Variants in TTC3 observed in about 807,000 individuals in gnomAD.
TTC3 encodes E3 ubiquitin-protein ligase TTC3.
A neutral mutation model predicts 249.6 loss-of-function variants in TTC3; 180 were observed. The observed-to-expected ratio is 0.72, with a 90% confidence interval of 0.64 to 0.82. The LOEUF (loss-of-function observed/expected upper bound fraction) is 0.82. Ranked by LOEUF, TTC3 falls within the 40% of genes least tolerant of loss-of-function variation. The pLI, the probability that TTC3 is intolerant of heterozygous loss-of-function variation, is 0.00. For synonymous variants in TTC3, 717 were observed against 805.0 expected, an observed-to-expected ratio of 0.89 and a Z score of 1.85; for missense variants, 2,061 against 2,398.4, an observed-to-expected ratio of 0.86 and a Z score of 2.94.
exon 42 of TTC3, chr21:37,195,862 C>T (rs1431701240): frequency 2.5e-6 from 4 of 1,614,250 alleles, no homozygotes; most frequent in Non-Finnish European, 3.4e-6. Flanking sequence ...CCTGAAGCCA[C>T]TCAGCTGACA....
At chr21:37,168,161 C>A (rs905731676) in intron 34 of TTC3, among the ~76,000 whole-genome samples, 4 of 152,076 alleles carry the variant, frequency 2.6e-5, no homozygotes, top group African/African-American at 7.2e-5. Flanking sequence ...ACTGTCTTGA[C>A]CAAAACTAGT....
At chr21:37,167,968 A>G (rs1462560621) in intron 34 of TTC3, among the ~76,000 whole-genome samples, 1 of 152,026 alleles carries the variant, frequency 6.6e-6, no homozygotes. Flanking sequence ...TAATGAGCAT[A>G]TAATAATTTA....
chr21:37,150,410 A>G (rs2257163), intron 24 of TTC3, among the ~76,000 whole-genome samples: 12,186 of 152,044 alleles, frequency 0.08, 1,294 homozygotes, highest in African/African-American at 0.23. Context: ...TAGTTTTACT[A>G]TTTTTACTGT....
chr21:37,087,280 A>G (rs1292502321), exon 2 of TTC3: 1 of 1,613,836 alleles, frequency 6.2e-7, no homozygotes, highest in African/African-American at 1.3e-5. Flanking sequence ...GCTGAGGGAG[A>G]TTTCACTGTG....
At chr21:37,195,650 C>G in intron 41 of TTC3, 25 bp from the exon 42 acceptor site, 1 of 1,569,548 alleles carries the variant, frequency 6.4e-7, no homozygotes, top group Non-Finnish European at 8.6e-7. Flanking sequence ...CCTAAGTGAT[C>G]CATGGTGTGG....
chr21:37,088,128 C>A, intron 3 of TTC3, 68 bp from the exon 4 acceptor site: 1 of 1,382,122 alleles, frequency 7.2e-7, no homozygotes, highest in Non-Finnish European at 9.6e-7. Context: ...TGCCTTTTTA[C>A]TATTAAGTGT....
intron 11 of TTC3, among the ~76,000 whole-genome samples, chr21:37,111,127 T>A (rs2075619010): frequency 6.6e-6 from 1 of 152,128 alleles, no homozygotes; most frequent in South Asian, 2.1e-4. Context: ...CCATCAAGGC[T>A]AGGAAGAAAC....
At chr21:37,110,546 A>G (rs1235869587) in intron 11 of TTC3, among the ~76,000 whole-genome samples, 9 of 152,236 alleles carry the variant, frequency 5.9e-5, no homozygotes, top group Admixed American at 5.9e-4. Flanking sequence ...TCCAAGAAAT[A>G]TGGGACTGTG....
At chr21:37,195,585 T>C (rs2084795258) in intron 41 of TTC3, 90 bp from the exon 42 acceptor site, 3 of 1,502,470 alleles carry the variant, frequency 2.0e-6, no homozygotes, top group Non-Finnish European at 2.7e-6. Context: ...TGCGCTGCGT[T>C]ACTGTATTTA....
chr21:37,079,737 T>A (rs1301662732), intron 1 of TTC3, among the ~76,000 whole-genome samples: 1 of 151,954 alleles, frequency 6.6e-6, no homozygotes, highest in Non-Finnish European at 1.5e-5. Context: ...TTTCACCATG[T>A]TGGCCAGGCT....
intron 11 of TTC3, among the ~76,000 whole-genome samples, chr21:37,112,540 C>T (rs2147820119): frequency 6.6e-6 from 1 of 152,268 alleles, no homozygotes; most frequent in East Asian, 1.9e-4. Context: ...GAAGTTGAGC[C>T]AATAATTAAT....
intron 11 of TTC3, among the ~76,000 whole-genome samples, chr21:37,119,577 C>T (rs548966916): frequency 2.4e-4 from 37 of 152,254 alleles, no homozygotes; most frequent in Admixed American, 1.3e-3. Context: ...TCTGTACTCC[C>T]GCTTCTGTCT....
In TTC3 at chr21:37,094,042, C is replaced by A. The variant is rs146947761; in HGVS notation, c.639C>A (p.Cys213Ter). Reference sequence around the variant, plus strand: ...TAACTAAAATTGTAATGGAAGACTGCAATTTGCTTGAAGAACTTAAAACTC... The same window carrying A: ...TAACTAAAATTGTAATGGAAGACTGAAATTTGCTTGAAGAACTTAAAACTC... The change falls in exon 8 of 46, where the codon TGC becomes TGA. Residue 213 changes from cysteine (C) to a stop codon, truncating the protein, a stop_gained. Transcript: ENST00000355666. LOFTEE classifies it high-confidence loss of function. 3 of 1,608,270 alleles carry A rather than the reference C, an allele frequency of 1.9e-6. No homozygotes were observed. The African/African-American group carries it at 4.0e-5, about 22-fold the overall frequency.
chr21:37,150,752 C>T, intron 24 of TTC3, 68 bp from the exon 25 acceptor site: 1 of 995,056 alleles, frequency 1.0e-6, no homozygotes, highest in East Asian at 2.4e-5. Context: ...ATACTTGTTA[C>T]TTGTGGTTTT....
chr21:37,156,909 A>G lies in TTC3; in HGVS notation c.2992+3A>G. On this transcript the variant is annotated splice_donor_region_variant and intron_variant, in intron 28 of 45. Transcript: ENST00000355666. ...AGATGAATTCTTTGATATAATGGGT[A>G]TGTGGACTGAGTTTAGACTTATATT... The G allele has an allele frequency of 1.2e-6, 2 of 1,612,842 alleles. No individual in the cohort carries two copies. The highest frequency in any genetic ancestry group is 2.2e-5 in the South Asian group (2 of 91,016).
intron 27 of TTC3, among the ~76,000 whole-genome samples, chr21:37,154,176 C>T (rs537498880): frequency 6.6e-6 from 1 of 152,268 alleles, no homozygotes; most frequent in African/African-American, 2.4e-5. Flanking sequence ...TTCATTCAGT[C>T]GGCAGCTATT....
intron 17 of TTC3, among the ~76,000 whole-genome samples, chr21:37,134,030 A>G (rs1457910509): frequency 6.6e-6 from 1 of 152,230 alleles, no homozygotes; most frequent in Admixed American, 6.5e-5. Context: ...GTATATCATC[A>G]TTTATAACTT....
chr21:37,140,397 T>C (rs534070041), intron 19 of TTC3, among the ~76,000 whole-genome samples, 164 bp from the exon 20 acceptor site: 142 of 152,316 alleles, frequency 9.3e-4, no homozygotes, highest in African/African-American at 3.3e-3. Flanking sequence ...CAGAAATTTA[T>C]ATAATTCCTA....
intron 30 of TTC3, among the ~76,000 whole-genome samples, chr21:37,161,198 TG>T (rs1375450521): frequency 6.6e-6 from 1 of 152,190 alleles, no homozygotes; most frequent in East Asian, 1.9e-4. Flanking sequence ...CTAATCATTA[TG>T]ACAGTCCCAG....
Sources: allele counts gnomAD v4.1 joint callset (sites outside exome capture counted in the v4.1 genomes callset), GRCh38; gene constraint gnomAD v4.1.1; transcripts MANE v1.5; gene names NCBI Gene and HGNC (gene_info 2026-07-23, HGNC 2026-07-21).